ANK2: variants seen among roughly 807,000 people sequenced by gnomAD.
ANK2 encodes ankyrin-2.
In ANK2, 83 loss-of-function variants were observed where a neutral mutation model predicts 360.5. That is an observed-to-expected ratio of 0.23 (90% CI 0.19 to 0.28). The LOEUF is 0.28. ANK2 is among the 10% of genes least tolerant of loss of function. The pLI, the probability that ANK2 is intolerant of heterozygous loss-of-function variation, is 1.00. For synonymous variants in ANK2, 1,740 were observed against 1,759.5 expected (o/e 0.99, Z 0.28); for missense variants, 4,201 against 4,795.7 (o/e 0.88, Z 3.66).
rs10687542 is a variant in ANK2 at position 112,991,236 on chromosome 4, CA to C, written c.21+86740del. Among the ~76,000 whole-genome samples the C allele has an allele frequency of 1.9e-3, 232 of 122,266 alleles. 1 individual carries two copies. Among genetic ancestry groups the C allele is most frequent in the African/African-American group, 5.0e-3 (159 of 31,936 alleles). 80.2% of individuals were successfully genotyped at this position (122,266 alleles called of 152,430 possible). On this transcript the variant is annotated intron_variant, in intron 2 of 30. Coordinates refer to the ANK2 transcript ENST00000503271. Reference sequence around the variant, plus strand: ...GCATTCCAGCCTGGTGACAGAGCCTCAAAAAAAAAAAAAAAAAATCAAGAAC... The same window carrying C: ...GCATTCCAGCCTGGTGACAGAGCCTCAAAAAAAAAAAAAAAAATCAAGAAC...
intron 4 of ANK2, among the ~76,000 whole-genome samples, chr4:113,206,920 A>G (rs963006171): frequency 6.6e-6 from 1 of 152,158 alleles, no homozygotes; most frequent in African/African-American, 2.4e-5. Context: ...GCTACTCAGG[A>G]GGCTGAGGCA....
chr4:113,198,702 T>A (rs1045574982), intron 3 of ANK2, among the ~76,000 whole-genome samples: 1 of 152,076 alleles, frequency 6.6e-6, no homozygotes, highest in East Asian at 1.9e-4. Context: ...TTAATTAAAT[T>A]GCATGAATCT....
rs1045600995 is a variant in ANK2 at position 113,370,329 on chromosome 4, G to A, written c.11610+524G>A. ...ATTTTTTTTTTTAAGATTTATTTTA[G>A]GAATGACTGAGAAAAAGAACATTGT... On this transcript the variant is annotated intron_variant, in intron 43 of 45. Transcript: ENST00000357077. Among the ~76,000 whole-genome samples, 4 of 152,112 alleles carry A rather than the reference G, an allele frequency of 2.6e-5. No homozygotes were observed. The South Asian group carries it at 8.3e-4, about 32-fold the overall frequency.
chr4:113,156,797 T>A lies in ANK2; in HGVS notation c.85-17619T>A, dbSNP rs983631432. Among the ~76,000 whole-genome samples, 11 of 149,678 alleles carry A rather than the reference T, an allele frequency of 7.3e-5. No homozygotes were observed. In the South Asian group the frequency reaches 1.7e-3, roughly 23 times the overall value. ...CAAATGTCCTATATATATATATATA[T>A]TATATATATAAAATGTATGTGTGTG... On this transcript the variant is annotated intron_variant, in intron 1 of 45. Transcript: ENST00000357077.
chr4:113,372,642 T>C, intron 43 of ANK2: 1 of 1,498,282 alleles, frequency 6.7e-7, no homozygotes, highest in Non-Finnish European at 9.0e-7. Flanking sequence ...ACTGTTAAAT[T>C]ACTGCACGTC....
Position 113,347,289 on chromosome 4 carries a change from A to G in ANK2, c.4372-987A>G, listed in dbSNP as rs543331872. 2.0e-5 allele frequency among the ~76,000 whole-genome samples: 3 copies of G among 152,316 alleles called. No individual in the cohort carries two copies. The South Asian group carries it at 6.2e-4, about 32-fold the overall frequency. ...ATATTTAAATATACATGTTATTCCA[A>G]GAATTAAAATATAGAAATGGGTATA... On this transcript the variant is annotated intron_variant, in intron 35 of 45. Transcript: ENST00000357077.
chr4:112,907,552 G>T (rs1330239870), intron 2 of ANK2, among the ~76,000 whole-genome samples: 1 of 152,006 alleles, frequency 6.6e-6, no homozygotes, highest in South Asian at 2.1e-4. Context: ...ATTGAATCTG[G>T]TGGCTCCATT....
the ANK2 span, among the ~76,000 whole-genome samples, chr4:112,758,828 T>A: frequency 6.6e-6 from 1 of 152,162 alleles, no homozygotes; most frequent in African/African-American, 2.4e-5. Flanking sequence ...GGCTAATTCT[T>A]TTTTTCCTTG....
chr4:113,068,247 C>T (rs923094610), intron 1 of ANK2, among the ~76,000 whole-genome samples: 3 of 152,080 alleles, frequency 2.0e-5, no homozygotes, highest in Admixed American at 2.0e-4. Flanking sequence ...TGTGGAGATA[C>T]ACAAAAATGG....
rs1158530849 is a variant in ANK2 at position 113,163,764 on chromosome 4, CAAAAAAAAA to C, written c.85-10632_85-10624del. ...GGGCAACAAGAGTGAAACTTCGTCTCAAAAAAAAAAAAAAAAAAAAAAAAAAAAGAAAAC... is the reference window on the plus strand; with the variant it reads ...GGGCAACAAGAGTGAAACTTCGTCTCAAAAAAAAAAAAAAAAAAAGAAAAC... On this transcript the variant is annotated intron_variant, in intron 1 of 45. Transcript: ENST00000357077. Among the ~76,000 whole-genome samples the C allele has an allele frequency of 7.8e-3, 429 of 55,046 alleles. 2 individuals carry two copies. The highest frequency in any genetic ancestry group is 0.019 in the South Asian group (26 of 1,374). The allele number at this position is 55,046 out of a possible 152,430, so 36.1% of individuals were successfully genotyped here.
chr4:113,295,768 C>T (rs29305), intron 22 of ANK2, among the ~76,000 whole-genome samples: 73,434 of 151,992 alleles, frequency 0.48, 18,060 homozygotes, highest in Non-Finnish European at 0.52. Context: ...ATCTCTGTTA[C>T]CTAAATGGAT....
At chr4:112,944,234 C>G (rs2094418128) in intron 2 of ANK2, among the ~76,000 whole-genome samples, 1 of 152,100 alleles carries the variant, frequency 6.6e-6, no homozygotes, top group South Asian at 2.1e-4. Flanking sequence ...ATTGTATTAG[C>G]TGCTTTGTAC....
intron 1 of ANK2, among the ~76,000 whole-genome samples, chr4:112,897,382 G>A (rs1443538196): frequency 6.6e-6 from 1 of 152,048 alleles, no homozygotes; most frequent in African/African-American, 2.4e-5. Flanking sequence ...GAGTTCAAAT[G>A]GAAAACATCA....
chr4:112,752,685 C>G, the ANK2 span, among the ~76,000 whole-genome samples: 1 of 151,890 alleles, frequency 6.6e-6, no homozygotes. Context: ...CTCCCCACCT[C>G]TTTGTTTGTT....
chr4:113,258,503 A>G (rs577121131), intron 13 of ANK2, 92 bp downstream of exon 13: 1 of 1,275,866 alleles, frequency 7.8e-7, no homozygotes, highest in South Asian at 1.2e-5. Context: ...CGTGTATGTC[A>G]TCGAAGTAAG....
At chr4:113,264,483 C>A (rs187726135) in intron 13 of ANK2, among the ~76,000 whole-genome samples, 1 of 151,898 alleles carries the variant, frequency 6.6e-6, no homozygotes, top group African/African-American at 2.4e-5. Flanking sequence ...CCTGGATGTT[C>A]GGATAAATTT....
At chr4:112,934,998 G>A (rs1391148492) in intron 2 of ANK2, among the ~76,000 whole-genome samples, 1 of 152,132 alleles carries the variant, frequency 6.6e-6, no homozygotes, top group Non-Finnish European at 1.5e-5. Flanking sequence ...CCATATTTAG[G>A]GAACAATGGG....
At chr4:112,915,064 A>C (rs1482309097) in intron 2 of ANK2, among the ~76,000 whole-genome samples, 1 of 152,190 alleles carries the variant, frequency 6.6e-6, no homozygotes, top group Non-Finnish European at 1.5e-5. Flanking sequence ...TTTATGACTA[A>C]ATTTAGGGCC....
intron 1 of ANK2, among the ~76,000 whole-genome samples, chr4:113,085,919 G>A (rs1170729131): frequency 6.6e-6 from 1 of 152,066 alleles, no homozygotes; most frequent in African/African-American, 2.4e-5. Context: ...TAAAAGCTCT[G>A]CATGTATCTA....
Sources: allele counts gnomAD v4.1 joint callset (sites outside exome capture counted in the v4.1 genomes callset), GRCh38; gene constraint gnomAD v4.1.1; transcripts MANE v1.5; gene names NCBI Gene and HGNC (gene_info 2026-07-23, HGNC 2026-07-21).